The following ZFAT variants were observed in gnomAD, a reference collection of about 807,000 sequenced individuals.
The protein encoded by ZFAT is zinc finger protein ZFAT.
In ZFAT, 64 loss-of-function variants were observed where a neutral mutation model predicts 117.7. That is an observed-to-expected ratio of 0.54 (90% CI 0.44 to 0.67). The LOEUF (loss-of-function observed/expected upper bound fraction) is 0.67, where lower values mean the gene tolerates loss of function less well. ZFAT is among the 30% of genes least tolerant of loss of function. The pLI is 0.00. For missense variants in ZFAT, 1,433 were observed against 1,584.5 expected, an observed-to-expected ratio of 0.90 and a Z score of 1.62; for synonymous variants, 679 against 615.0, an observed-to-expected ratio of 1.10 and a Z score of -1.54.
chr8:134,616,619 T>C (rs754824083), intron 3 of ZFAT, among the ~76,000 whole-genome samples: 3 of 152,236 alleles, frequency 2.0e-5, no homozygotes, highest in Admixed American at 1.3e-4. Flanking sequence ...TTCCTGTCTA[T>C]GCTCCCCTCC....
At chr8:134,819,270 GA>G in the ZFAT span, among the ~76,000 whole-genome samples, 6 of 137,912 alleles carry the variant, frequency 4.4e-5, no homozygotes, top group Admixed American at 1.5e-4. Flanking sequence ...GGGGGTGAAG[GA>G]AAAAAAAAAG....
At chr8:134,608,601 T>G (rs1360903087) in intron 5 of ZFAT, 128 bp downstream of exon 5, 3 of 1,143,268 alleles carry the variant, frequency 2.6e-6, no homozygotes, top group Non-Finnish European at 2.5e-6. Flanking sequence ...AATCAAGGAG[T>G]CAGTATCTCT....
chr8:134,635,196 G>A (rs907656938), intron 3 of ZFAT, among the ~76,000 whole-genome samples: 5 of 152,186 alleles, frequency 3.3e-5, no homozygotes, highest in African/African-American at 1.2e-4. Flanking sequence ...TAAGGGCAGT[G>A]CAGACTGGGG....
chr8:134,757,475 G>A, the ZFAT span, among the ~76,000 whole-genome samples: 1 of 152,174 alleles, frequency 6.6e-6, no homozygotes, highest in South Asian at 2.1e-4. Flanking sequence ...TTTTAGGGAT[G>A]AACTACTTGC....
At chr8:134,591,769 A>G (rs1207647693) in intron 7 of ZFAT, among the ~76,000 whole-genome samples, 1 of 152,184 alleles carries the variant, frequency 6.6e-6, no homozygotes, top group Non-Finnish European at 1.5e-5. Flanking sequence ...ACTGCCAGCC[A>G]AGAAATGCCA....
chr8:134,703,364 G>C (rs1163440439), intron 1 of ZFAT, among the ~76,000 whole-genome samples: 1 of 152,060 alleles, frequency 6.6e-6, no homozygotes, highest in East Asian at 1.9e-4. Context: ...TACAGACTAC[G>C]AGTTCCTTCA....
rs149153004 is a variant in ZFAT, at chr8:134,579,956, CAAAA to C, written c.2887+3872_2887+3875del. On this transcript the variant is annotated intron_variant, in intron 10 of 15. Transcript: ENST00000377838. ...CAAAGTGAGACTCTGACACAGGGAA[CAAAA>C]AAAAAAAAAAAAAGAACAATGCCCA... Among the ~76,000 whole-genome samples, 104 of 115,034 alleles carry C rather than the reference CAAAA, an allele frequency of 9.0e-4. No homozygotes were observed. In the Middle Eastern group the frequency reaches 0.02, roughly 23 times the overall value. 75.5% of individuals were successfully genotyped at this position (115,034 alleles called of 152,430 possible).
At chr8:134,733,513 A>T in the ZFAT span, among the ~76,000 whole-genome samples, 1 of 152,396 alleles carries the variant, frequency 6.6e-6, no homozygotes, top group East Asian at 1.9e-4. Flanking sequence ...CTTCTTCTTT[A>T]TCTGCTGGAC....
chr8:134,541,786 T>A (rs1295368923), intron 11 of ZFAT, among the ~76,000 whole-genome samples: 2 of 152,204 alleles, frequency 1.3e-5, no homozygotes, highest in African/African-American at 4.8e-5. Flanking sequence ...AAAAATTAAA[T>A]GCCAAATCAT....
chr8:134,624,736 T>G (rs564537798), intron 3 of ZFAT, among the ~76,000 whole-genome samples: 1 of 152,286 alleles, frequency 6.6e-6, no homozygotes, highest in African/African-American at 2.4e-5. Flanking sequence ...TTCTTACCCT[T>G]GAATTCCCCA....
the ZFAT span, among the ~76,000 whole-genome samples, chr8:134,816,912 C>T: frequency 3.4e-5 from 5 of 149,096 alleles, no homozygotes; most frequent in South Asian, 2.1e-4. Context: ...ACCCGGGAGG[C>T]GGAGGTTGCA....
intron 12 of ZFAT, among the ~76,000 whole-genome samples, chr8:134,525,120 G>A (rs1455014194): frequency 6.6e-6 from 1 of 152,174 alleles, no homozygotes; most frequent in East Asian, 1.9e-4. Context: ...TGGCGATGCT[G>A]ACCACATTCT....
At chr8:134,519,938 A>G (rs1472082728) in intron 13 of ZFAT, among the ~76,000 whole-genome samples, 1 of 152,180 alleles carries the variant, frequency 6.6e-6, no homozygotes, top group Non-Finnish European at 1.5e-5. Context: ...ACTGTTTCAT[A>G]TTATAATGGA....
In ZFAT at chr8:134,510,182, T is replaced by TA. The variant is rs1334387726; in HGVS notation, c.3362-434dup. On this transcript the variant is annotated intron_variant, in intron 14 of 15. Coordinates refer to ENST00000377838, the MANE Select transcript of ZFAT (RefSeq NM_020863.4). ...GTGTGTGCCAAGAAATTCCACAAGT[T>TA]ATGGGCAAAACATCCAAAGATGTAT... 8.8e-6 allele frequency: 4 copies of TA among 455,616 alleles called. No homozygotes were observed. The East Asian group carries it at 2.8e-4, about 32-fold the overall frequency. The allele number at this position is 455,616 out of a possible 1,614,324, so 28.2% of individuals were successfully genotyped here.
At chr8:134,772,598 G>T in the ZFAT span, among the ~76,000 whole-genome samples, 1 of 152,228 alleles carries the variant, frequency 6.6e-6, no homozygotes. Flanking sequence ...CCATAAAAGT[G>T]CAAGATGAAA....
intron 1 of ZFAT, among the ~76,000 whole-genome samples, chr8:134,665,817 T>C (rs1442028030): frequency 6.6e-6 from 1 of 152,086 alleles, no homozygotes. Context: ...CCTTCCCCAC[T>C]GGGGTCTCCA....
At chr8:134,755,387 T>TG in the ZFAT span, among the ~76,000 whole-genome samples, 2 of 137,680 alleles carry the variant, frequency 1.5e-5, no homozygotes, top group East Asian at 2.1e-4. Context: ...CACTCCAGCC[T>TG]GGCGACAGTG....
intron 10 of ZFAT, among the ~76,000 whole-genome samples, chr8:134,573,960 T>C (rs1331282700): frequency 1.3e-5 from 2 of 152,156 alleles, no homozygotes; most frequent in African/African-American, 4.8e-5. Context: ...CTTACCCAGG[T>C]AAAACATTAC....
chr8:134,648,065 C>T lies in ZFAT; in HGVS notation c.196+9496G>A, dbSNP rs1831003329. Among the ~76,000 whole-genome samples the T allele has an allele frequency of 2.0e-5, 3 of 151,582 alleles. No homozygotes were observed. The South Asian group carries it at 6.2e-4, about 31-fold the overall frequency. The stretch of plus-strand genomic sequence containing the variant: ...CACGTACATACAAAAATAATGGTAG[C>T]TATGTGAGGTAATAGATGTGTTAAC... On this transcript the variant is annotated intron_variant, in intron 2 of 15. Transcript: ENST00000377838.
Sources: gnomAD v4.1 joint callset for allele counts (sites outside exome capture counted in the v4.1 genomes callset) on GRCh38, gnomAD v4.1.1 for gene constraint, MANE v1.5 for transcripts, NCBI Gene and HGNC (gene_info 2026-07-23, HGNC 2026-07-21) for gene names.